METTL25: variants seen among roughly 807,000 people sequenced by gnomAD.
METTL25 encodes the protein methyltransferase like 25.
A neutral mutation model predicts 71.6 loss-of-function variants in METTL25; 64 were observed. That is an observed-to-expected ratio of 0.89 (90% CI 0.73 to 1.10). The LOEUF is 1.10. Among genes scored for constraint, METTL25 ranks in the 50% least tolerant of loss-of-function variants. The pLI is 0.00. For missense variants in METTL25, 807 were observed against 707.0 expected (o/e 1.14, Z -1.60); for synonymous variants, 287 against 250.3 (o/e 1.15, Z -1.38).
In METTL25 at chr12:82,386,935, T is replaced by C; in HGVS notation, c.392T>C (p.Val131Ala). Reference protein sequence around the residue: ...GICTPFEQLLVALRGNQNQRI... With the variant: ...GICTPFEQLLAALRGNQNQRI... ...TGTACTCCTTTTGAACAGTTGCTTGTAGCCCTTCGAGGAAATCAAAACCAG... is the reference window on the plus strand; with the variant it reads ...TGTACTCCTTTTGAACAGTTGCTTGCAGCCCTTCGAGGAAATCAAAACCAG... The change falls in exon 2 of 12, where the codon GTA becomes GCA. Residue 131 changes from valine to alanine, a missense_variant. Transcript: ENST00000248306. The C allele has an allele frequency of 1.2e-6, 2 of 1,613,188 alleles. No individual in the cohort carries two copies. The highest frequency in any genetic ancestry group is 8.5e-7 in the Non-Finnish European group (1 of 1,179,470).
rs943794160 is a variant in METTL25 at position 82,479,146 on chromosome 12, A to G, written c.*122A>G. 1 of 631,586 alleles carries G rather than the reference A, an allele frequency of 1.6e-6. No individual in the cohort carries two copies. Among genetic ancestry groups the G allele is most frequent in the Non-Finnish European group, 2.7e-6 (1 of 365,428 alleles). 39.1% of individuals were successfully genotyped at this position (631,586 alleles called of 1,614,324 possible). The stretch of plus-strand genomic sequence containing the variant: ...AAATGACTGTTATGTATTTTAAATA[A>G]TAAAATAATGGCTAACAACAGAAGG... On this transcript the variant is annotated 3_prime_UTR_variant, in exon 12 of 12. Coordinates refer to ENST00000248306, the MANE Select transcript of METTL25 (RefSeq NM_032230.3).
Position 82,399,235 on chromosome 12 carries a change from G to T in METTL25, c.972G>T (p.Glu324Asp), listed in dbSNP as rs866661596. Residue 324 changes from glutamate to aspartate, a missense_variant, in exon 4 of 12, where the codon GAG becomes GAT. By Grantham distance (45) the Glu-to-Asp change is conservative. Transcript: ENST00000248306. ...LINLLPINAVEPTSSQQIPNR... is the reference protein window; with the variant it reads ...LINLLPINAVDPTSSQQIPNR... ...ACCTTTTGCCTATTAATGCTGTAGA[G>T]CCTACTTCTTCACAGCAAATACCCA... The T allele has an allele frequency of 2.5e-6, 4 of 1,613,466 alleles. No individual in the cohort carries two copies. Among genetic ancestry groups the T allele is most frequent in the South Asian group, 2.2e-5 (2 of 91,046 alleles).
intron 1 of METTL25, among the ~76,000 whole-genome samples, chr12:82,385,131 A>C (rs1035499443): frequency 1.3e-5 from 2 of 152,260 alleles, no homozygotes; most frequent in East Asian, 3.9e-4. Flanking sequence ...TAGTTGATTC[A>C]GAAATGGAAG....
chr12:82,375,064 G>A (rs1482760882), intron 1 of METTL25, among the ~76,000 whole-genome samples: 3 of 152,188 alleles, frequency 2.0e-5, no homozygotes, highest in Non-Finnish European at 2.9e-5. Flanking sequence ...CAAACTTACA[G>A]AATAATAATG....
intron 9 of METTL25, 99 bp from the exon 10 acceptor site, chr12:82,476,545 A>G (rs1483219976): frequency 2.6e-6 from 2 of 774,744 alleles, no homozygotes; most frequent in East Asian, 2.6e-5. Flanking sequence ...CTAAGGTTGT[A>G]TTAAATTGAT....
chr12:82,442,197 A>T (rs78039604), intron 8 of METTL25, among the ~76,000 whole-genome samples: 3,062 of 152,168 alleles, frequency 0.02, 92 homozygotes, highest in African/African-American at 0.069. Context: ...TGGAGATCAC[A>T]TGGGAATCTG....
intron 4 of METTL25, among the ~76,000 whole-genome samples, chr12:82,402,038 T>G (rs1340985495): frequency 2.0e-5 from 3 of 152,036 alleles, no homozygotes; most frequent in African/African-American, 7.2e-5. Context: ...AAATTCAACT[T>G]CAAAATGATT....
At chr12:82,476,619 TTTA>T in intron 9 of METTL25, 22 bp from the exon 10 acceptor site, 1 of 1,435,018 alleles carries the variant, frequency 7.0e-7, no homozygotes, top group Non-Finnish European at 9.7e-7. Context: ...TATCGTTAAA[TTTA>T]TTGTTGTTTT....
intron 1 of METTL25, among the ~76,000 whole-genome samples, chr12:82,359,268 C>T (rs2136768058): frequency 1.4e-5 from 2 of 147,722 alleles, no homozygotes; most frequent in African/African-American, 2.5e-5. Flanking sequence ...GAGGCTGCCT[C>T]AATTTAGGAG....
chr12:82,363,002 C>T (rs186995933), intron 1 of METTL25, among the ~76,000 whole-genome samples: 1 of 152,260 alleles, frequency 6.6e-6, no homozygotes, highest in Admixed American at 6.5e-5. Flanking sequence ...ATGCTCCTAG[C>T]CCCTGTAGAT....
intron 11 of METTL25, 60 bp from the exon 12 acceptor site, chr12:82,478,872 C>T (rs966312759): frequency 8.6e-6 from 11 of 1,278,754 alleles, no homozygotes; most frequent in South Asian, 3.7e-5. Flanking sequence ...TAATCCAACT[C>T]GCGTCTAATT....
intron 1 of METTL25, among the ~76,000 whole-genome samples, chr12:82,360,661 G>A (rs929368916): frequency 6.6e-6 from 1 of 152,084 alleles, no homozygotes; most frequent in African/African-American, 2.4e-5. Flanking sequence ...AAACAGAAAT[G>A]CCCTGACGAG....
intron 9 of METTL25, among the ~76,000 whole-genome samples, chr12:82,473,022 A>G (rs1421508599): frequency 6.6e-6 from 1 of 151,484 alleles, no homozygotes; most frequent in Non-Finnish European, 1.5e-5. Flanking sequence ...GGTGGGGTAC[A>G]TTTGCTGTGG....
chr12:82,368,673 T>A (rs1259796907), intron 1 of METTL25, among the ~76,000 whole-genome samples: 3 of 152,210 alleles, frequency 2.0e-5, no homozygotes, highest in Non-Finnish European at 4.4e-5. Context: ...AAAAGATACC[T>A]AGGGTTTCTT....
chr12:82,452,015 G>A (rs1891180782), intron 8 of METTL25, among the ~76,000 whole-genome samples: 1 of 151,996 alleles, frequency 6.6e-6, no homozygotes, highest in South Asian at 2.1e-4. Flanking sequence ...GGCTCTATGT[G>A]TTAAAAATTT....
Position 82,379,272 on chromosome 12 carries a change from GAGA to G in METTL25, c.260-7526_260-7524del, listed in dbSNP as rs1884192028. ...AATGATGTATCTTTGGTCAGAAAAA[GAGA>G]AGAACAGAGGTTGATATCAATTCAA... is the stretch of plus-strand genomic sequence containing the variant. On this transcript the variant is annotated intron_variant, in intron 1 of 11. Coordinates refer to ENST00000248306, the MANE Select transcript of METTL25 (RefSeq NM_032230.3). Among the ~76,000 whole-genome samples the G allele has an allele frequency of 2.6e-5, 4 of 152,142 alleles. No homozygotes were observed. In the South Asian group the frequency reaches 8.3e-4, roughly 32 times the overall value.
chr12:82,434,627 T>C (rs75885516), intron 6 of METTL25, 68 bp from the exon 7 acceptor site: 1 of 1,246,020 alleles, frequency 8.0e-7, no homozygotes, highest in Non-Finnish European at 1.1e-6. Context: ...CAAACTCTTA[T>C]ACAGTGTGTT....
chr12:82,477,271 T>C lies in METTL25; in HGVS notation c.1648-10T>C. The stretch of plus-strand genomic sequence containing the variant: ...ACCACCAACCTACCTATCTAATTTT[T>C]TTATTTTAGTTGAAAGTTGTACTGG... On this transcript the variant is annotated splice_polypyrimidine_tract_variant and intron_variant, in intron 10 of 11. Coordinates refer to ENST00000248306, the MANE Select transcript of METTL25 (RefSeq NM_032230.3). The C allele has an allele frequency of 6.8e-7, 1 of 1,463,432 alleles. No individual in the cohort carries two copies. The highest frequency in any genetic ancestry group is 9.3e-7 in the Non-Finnish European group (1 of 1,079,524). 90.7% of individuals were successfully genotyped at this position (1,463,432 alleles called of 1,614,324 possible). A position where few individuals can be genotyped will look rare whatever the true frequency, so the allele number is the denominator to read the frequency against.
At chr12:82,373,673 C>T (rs1026909350) in intron 1 of METTL25, among the ~76,000 whole-genome samples, 1 of 152,160 alleles carries the variant, frequency 6.6e-6, no homozygotes, top group African/African-American at 2.4e-5. Flanking sequence ...GCTGCAAGGT[C>T]AACCAACTTG....
Sources: gnomAD v4.1 joint callset for allele counts (sites outside exome capture counted in the v4.1 genomes callset) on GRCh38, gnomAD v4.1.1 for gene constraint, MANE v1.5 for transcripts, NCBI Gene and HGNC (gene_info 2026-07-23, HGNC 2026-07-21) for gene names.